Variants in KDM4D observed in about 807,000 individuals in gnomAD.
KDM4D encodes lysine demethylase 4D.
For synonymous variants in KDM4D, 254 were observed against 249.1 expected (o/e 1.02, Z -0.19); for missense variants, 427 against 674.8 (o/e 0.63, Z 4.07).
At position 94,984,337 on chromosome 11, in the gene KDM4D, A is replaced by G. The variant is rs587751656; in HGVS notation, c.-350+8589A>G. Among the ~76,000 whole-genome samples, 6 of 152,014 alleles carry G rather than the reference A, an allele frequency of 3.9e-5. 1 individual carries two copies. The South Asian group carries it at 1.0e-3, about 26-fold the overall frequency. On this transcript the variant is annotated intron_variant, in intron 2 of 2. Transcript: ENST00000335080. Reference sequence around the variant, plus strand: ...TGGCAAATCCCTGTCTCTACAAAAAATAGAAAAATTAACTGGGCATGGTAG... The same window carrying G: ...TGGCAAATCCCTGTCTCTACAAAAAGTAGAAAAATTAACTGGGCATGGTAG...
At chr11:94,985,309 G>A (rs1175810276) in intron 2 of KDM4D, among the ~76,000 whole-genome samples, 1 of 152,172 alleles carries the variant, frequency 6.6e-6, no homozygotes, top group East Asian at 1.9e-4. Flanking sequence ...TGCATTAGTA[G>A]TGAACAATGT....
intron 2 of KDM4D, among the ~76,000 whole-genome samples, chr11:94,987,730 ATAAAACT>A (rs1256091667): frequency 6.6e-5 from 10 of 152,220 alleles, no homozygotes; most frequent in Middle Eastern, 6.8e-3. Flanking sequence ...TAGAGAGCAA[ATAAAACT>A]TAAAAATTCT....
intron 1 of KDM4D, among the ~76,000 whole-genome samples, chr11:94,975,010 G>A (rs1857784696): frequency 6.6e-6 from 1 of 152,210 alleles, no homozygotes; most frequent in Non-Finnish European, 1.5e-5. Context: ...CACGGAGTCT[G>A]GTTCCTGCCT....
chr11:94,987,715 C>A (rs1857900021), intron 2 of KDM4D, among the ~76,000 whole-genome samples: 1 of 151,874 alleles, frequency 6.6e-6, no homozygotes, highest in Non-Finnish European at 1.5e-5. Flanking sequence ...GAAACAGACA[C>A]AATGTAGAGA....
In KDM4D at chr11:94,986,850, A is replaced by T. The variant is rs587648679; in HGVS notation, c.-349-10174A>T. 2.0e-5 allele frequency among the ~76,000 whole-genome samples: 3 copies of T among 152,352 alleles called. No individual in the cohort carries two copies. The South Asian group carries it at 6.2e-4, about 32-fold the overall frequency. ...AAGATAAATAAAAACACGTTCACACATAAACTTGTACATGAATGTTCATAA... is the reference window on the plus strand; with the variant it reads ...AAGATAAATAAAAACACGTTCACACTTAAACTTGTACATGAATGTTCATAA... On this transcript the variant is annotated intron_variant, in intron 2 of 2. Transcript: ENST00000335080.
At chr11:94,989,319 T>C (rs1857914053) in intron 2 of KDM4D, among the ~76,000 whole-genome samples, 4 of 152,164 alleles carry the variant, frequency 2.6e-5, no homozygotes, top group African/African-American at 9.7e-5. Flanking sequence ...CAAAGAAGCA[T>C]ATATTAGATA....
intron 2 of KDM4D, among the ~76,000 whole-genome samples, chr11:94,980,330 T>C (rs1857833197): frequency 6.6e-6 from 1 of 152,182 alleles, no homozygotes; most frequent in African/African-American, 2.4e-5. Context: ...TGAAATCCGA[T>C]GGAGCAGATA....
chr11:94,988,175 A>G (rs1857904284), intron 2 of KDM4D, among the ~76,000 whole-genome samples: 1 of 152,206 alleles, frequency 6.6e-6, no homozygotes, highest in Non-Finnish European at 1.5e-5. Flanking sequence ...GAGAGTAAAG[A>G]CAGATTACAA....
intron 1 of KDM4D, among the ~76,000 whole-genome samples, 193 bp downstream of exon 1, chr11:94,974,261 G>C (rs1232278948): frequency 1.3e-5 from 2 of 152,140 alleles, no homozygotes; most frequent in Non-Finnish European, 2.9e-5. Context: ...TAAGTGTTAA[G>C]TTTTAATAAG....
At chr11:94,990,399 G>A (rs1555098543) in intron 2 of KDM4D, among the ~76,000 whole-genome samples, 1 of 152,186 alleles carries the variant, frequency 6.6e-6, no homozygotes, top group African/African-American at 2.4e-5. Context: ...GAAAAGAGAA[G>A]GAAGAGATAA....
intron 1 of KDM4D, among the ~76,000 whole-genome samples, chr11:94,974,956 G>A (rs1277494799): frequency 6.6e-6 from 1 of 152,132 alleles, no homozygotes; most frequent in East Asian, 1.9e-4. Flanking sequence ...CAATTTCACT[G>A]CACTTAGAAT....
intron 2 of KDM4D, among the ~76,000 whole-genome samples, chr11:94,979,070 T>G (rs1555097305): frequency 6.6e-6 from 1 of 152,222 alleles, no homozygotes; most frequent in South Asian, 2.1e-4. Flanking sequence ...GCATTATATA[T>G]GTATGCTTAT....
At chr11:94,977,999 C>G (rs1047701664) in intron 2 of KDM4D, among the ~76,000 whole-genome samples, 2 of 152,148 alleles carry the variant, frequency 1.3e-5, no homozygotes, top group African/African-American at 4.8e-5. Flanking sequence ...AAGTAACTTA[C>G]ATTGTATTAG....
chr11:94,977,184 A>AT (rs1857804364), intron 2 of KDM4D, among the ~76,000 whole-genome samples: 2 of 152,366 alleles, frequency 1.3e-5, no homozygotes, highest in African/African-American at 4.8e-5. Context: ...AATGAGGAAA[A>AT]TGAAAGTAAA....
intron 2 of KDM4D, among the ~76,000 whole-genome samples, chr11:94,989,584 G>A (rs191910517): frequency 2.0e-5 from 3 of 152,304 alleles, no homozygotes; most frequent in African/African-American, 7.2e-5. Flanking sequence ...TTATGTCACA[G>A]TTTATGCTGT....
intron 2 of KDM4D, among the ~76,000 whole-genome samples, chr11:94,982,715 A>G (rs112105358): frequency 6.6e-6 from 1 of 151,956 alleles, no homozygotes; most frequent in Non-Finnish European, 1.5e-5. Context: ...AGATCAATAA[A>G]TAATAAGAAA....
At chr11:94,978,878 C>T (rs1857820233) in intron 2 of KDM4D, among the ~76,000 whole-genome samples, 1 of 152,080 alleles carries the variant, frequency 6.6e-6, no homozygotes, top group South Asian at 2.1e-4. Flanking sequence ...AGGAAAATTA[C>T]TATCGGACAT....
chr11:94,979,711 C>T (rs1857828827), intron 2 of KDM4D, among the ~76,000 whole-genome samples: 1 of 152,054 alleles, frequency 6.6e-6, no homozygotes, highest in Admixed American at 6.5e-5. Flanking sequence ...AAATACACAC[C>T]ATAACTTGTT....
intron 2 of KDM4D, among the ~76,000 whole-genome samples, chr11:94,987,944 CT>C (rs35686258): frequency 0.96 from 146,369 of 152,250 alleles, 70,593 homozygotes; most frequent in East Asian, 1. Flanking sequence ...AGGTTGCTGT[CT>C]TAACAGTATT....
Sources: allele counts gnomAD v4.1 joint callset (sites outside exome capture counted in the v4.1 genomes callset), GRCh38; gene constraint gnomAD v4.1.1; transcripts MANE v1.5; gene names NCBI Gene and HGNC (gene_info 2026-07-23, HGNC 2026-07-21).